Variants in CDH12 observed in about 807,000 individuals in gnomAD.
CDH12 encodes cadherin-12.
In CDH12, 41 loss-of-function variants were observed where a neutral mutation model predicts 74.1. The observed-to-expected ratio is 0.55, with a 90% CI of 0.43 to 0.72. CDH12 has a LOEUF of 0.72. CDH12 is among the 30% of genes least tolerant of loss of function. The pLI, the probability that CDH12 is intolerant of heterozygous loss-of-function variation, is 0.00. For missense variants in CDH12, 945 were observed against 977.2 expected (o/e 0.97, Z 0.44); for synonymous variants, 399 against 355.0 (o/e 1.12, Z -1.39).
intron 6 of CDH12, among the ~76,000 whole-genome samples, chr5:21,921,875 T>A (rs1235079082): frequency 1.3e-5 from 2 of 152,208 alleles, no homozygotes; most frequent in Non-Finnish European, 2.9e-5. Flanking sequence ...TCCTTTGTCA[T>A]CGGCTAATTT....
intron 1 of CDH12, among the ~76,000 whole-genome samples, chr5:22,609,206 T>C (rs1203301766): frequency 6.6e-6 from 1 of 152,204 alleles, no homozygotes. Context: ...AGGAATGCAA[T>C]GGAACCCAAT....
chr5:22,242,403 T>A (rs1453051055), intron 3 of CDH12, among the ~76,000 whole-genome samples: 1 of 152,172 alleles, frequency 6.6e-6, no homozygotes, highest in Non-Finnish European at 1.5e-5. Flanking sequence ...TAACTCCTCA[T>A]TTTAGCTAGG....
chr5:22,208,673 G>A (rs1357681680), intron 4 of CDH12, among the ~76,000 whole-genome samples: 1 of 152,074 alleles, frequency 6.6e-6, no homozygotes, highest in African/African-American at 2.4e-5. Context: ...GTGGTCATTG[G>A]CCAGTCTAGA....
chr5:22,541,836 C>T (rs1308551509), intron 1 of CDH12, among the ~76,000 whole-genome samples: 1 of 152,182 alleles, frequency 6.6e-6, no homozygotes, highest in Non-Finnish European at 1.5e-5. Flanking sequence ...AGATAACACA[C>T]CTGCCAAATG....
At chr5:22,146,061 T>C (rs1747156741) in intron 4 of CDH12, among the ~76,000 whole-genome samples, 1 of 152,036 alleles carries the variant, frequency 6.6e-6, no homozygotes, top group Non-Finnish European at 1.5e-5. Context: ...TTCTGGTGGC[T>C]GTAAGCACTT....
rs1227757367 is a variant in CDH12, at chr5:21,880,623, CTTTCT to C, written c.527-25838_527-25834del. On this transcript the variant is annotated intron_variant, in intron 6 of 14. Transcript: ENST00000382254. ...TCCTTCCTTCCTTCCTTCCTTCTTT[CTTTCT>C]TTCTTTCTTTCTTTCTTTCTTTCTT... Among the ~76,000 whole-genome samples the C allele has an allele frequency of 3.5e-3, 204 of 58,658 alleles. 2 individuals are homozygous for C. Among genetic ancestry groups the C allele is most frequent in the African/African-American group, 7.0e-3 (108 of 15,372 alleles). The allele number at this position is 58,658 out of a possible 152,430, so 38.5% of individuals were successfully genotyped here.
chr5:21,882,994 C>A, intron 6 of CDH12: 39 of 1,600,322 alleles, frequency 2.4e-5, no homozygotes, highest in Non-Finnish European at 3.3e-5. Context: ...AGCAAAGGTG[C>A]TAATCCAGTG....
chr5:22,724,716 T>C (rs2126994910), intron 1 of CDH12, among the ~76,000 whole-genome samples: 1 of 152,032 alleles, frequency 6.6e-6, no homozygotes, highest in South Asian at 2.1e-4. Context: ...GTTAAAGATA[T>C]TGTTTTAAAT....
chr5:21,829,104 G>T (rs1748860086), intron 8 of CDH12, among the ~76,000 whole-genome samples: 1 of 152,090 alleles, frequency 6.6e-6, no homozygotes, highest in African/African-American at 2.4e-5. Context: ...AGGCCAGCCT[G>T]GCCAACATGG....
chr5:22,243,005 C>T (rs1398140504), intron 3 of CDH12, among the ~76,000 whole-genome samples: 1 of 151,970 alleles, frequency 6.6e-6, no homozygotes, highest in Non-Finnish European at 1.5e-5. Flanking sequence ...ATTACATGAC[C>T]TCTGTTGATA....
chr5:22,429,492 C>A (rs1044319709), intron 2 of CDH12, among the ~76,000 whole-genome samples: 4 of 152,026 alleles, frequency 2.6e-5, no homozygotes, highest in African/African-American at 7.2e-5. Context: ...GGAAAAATTT[C>A]TTTTAAAAAT....
chr5:22,791,130 T>C (rs72748749), intron 1 of CDH12, among the ~76,000 whole-genome samples: 98 of 152,324 alleles, frequency 6.4e-4, no homozygotes, highest in Non-Finnish European at 1.2e-3. Flanking sequence ...CTTTGCACAC[T>C]TAATGTGGAA....
chr5:22,332,771 A>C (rs929442221), intron 3 of CDH12, among the ~76,000 whole-genome samples: 5 of 152,192 alleles, frequency 3.3e-5, no homozygotes, highest in Admixed American at 1.3e-4. Flanking sequence ...ATGAGATACC[A>C]TCTCATACCA....
intron 11 of CDH12, among the ~76,000 whole-genome samples, chr5:21,779,041 G>GTT (rs550851353): frequency 0.032 from 4,765 of 150,984 alleles, 215 homozygotes; most frequent in African/African-American, 0.11. Context: ...GGAATTCACT[G>GTT]TTTTTTTTTA....
chr5:22,720,776 C>G (rs1389743626), intron 1 of CDH12, among the ~76,000 whole-genome samples: 1 of 152,128 alleles, frequency 6.6e-6, no homozygotes, highest in Non-Finnish European at 1.5e-5. Flanking sequence ...AAATGAGGAA[C>G]TCATTGGGAA....
At chr5:22,506,484 T>C (rs968674706) in intron 1 of CDH12, among the ~76,000 whole-genome samples, 7 of 152,176 alleles carry the variant, frequency 4.6e-5, no homozygotes, top group Non-Finnish European at 7.4e-5. Context: ...TTTTTTGACA[T>C]ACCATATTGG....
chr5:21,899,457 G>A (rs887559013), intron 6 of CDH12, among the ~76,000 whole-genome samples: 2 of 152,172 alleles, frequency 1.3e-5, no homozygotes, highest in Admixed American at 6.5e-5. Context: ...TGCTAGGAAC[G>A]AGGCTAAAGC....
chr5:22,570,035 T>TATTTA (rs1739467405), intron 1 of CDH12, among the ~76,000 whole-genome samples: 1 of 149,880 alleles, frequency 6.7e-6, no homozygotes, highest in Admixed American at 6.6e-5. Context: ...ATGTATTTCG[T>TATTTA]TTTATTTATT....
intron 3 of CDH12, among the ~76,000 whole-genome samples, chr5:22,323,208 G>A (rs1368346777): frequency 1.3e-5 from 2 of 152,102 alleles, no homozygotes; most frequent in Non-Finnish European, 2.9e-5. Flanking sequence ...ACCGGGACAG[G>A]TCTATACTCT....
Sources: gnomAD v4.1 joint callset for allele counts (sites outside exome capture counted in the v4.1 genomes callset) on GRCh38, gnomAD v4.1.1 for gene constraint, MANE v1.5 for transcripts, NCBI Gene and HGNC (gene_info 2026-07-23, HGNC 2026-07-21) for gene names.